Variants in XRCC2 observed in about 807,000 individuals in gnomAD.
XRCC2 encodes the protein X-ray repair cross complementing 2, also known as DNA repair protein XRCC2.
A neutral mutation model predicts 27.3 loss-of-function variants in XRCC2; 24 were observed. The observed-to-expected ratio is 0.88, with a 90% CI of 0.64 to 1.24. The LOEUF is 1.24. Among genes scored for constraint, XRCC2 ranks in the 50% most tolerant of loss-of-function variants. The pLI, the probability that XRCC2 is intolerant of heterozygous loss-of-function variation, is 0.00. For synonymous variants in XRCC2, 106 were observed against 115.4 expected (o/e 0.92, Z 0.52); for missense variants, 321 against 325.8 (o/e 0.99, Z 0.11).
At chr7:152,655,801 AGG>A (rs1417160907) in intron 2 of XRCC2, among the ~76,000 whole-genome samples, 21 of 152,174 alleles carry the variant, frequency 1.4e-4, no homozygotes, top group African/African-American at 4.8e-4. Flanking sequence ...ACTTGAGGTC[AGG>A]AGTTCAAGAC....
At position 152,647,696 on chromosome 7, in the gene XRCC2, C is replaced by G. The variant is rs1347079969; in HGVS notation, c.*946G>C. The G allele has an allele frequency of 2.0e-5, 3 of 152,048 alleles. No homozygotes were observed. Among genetic ancestry groups the G allele is most frequent in the Admixed American group, 2.0e-4 (3 of 15,250 alleles). The allele number at this position is 152,048 out of a possible 1,614,324, so 9.4% of individuals were successfully genotyped here. A position where few individuals can be genotyped will look rare whatever the true frequency, so the allele number is the denominator to read the frequency against. ...TGTTTTTGTCAGGTTCATCGAAGAT[C>G]AAAAAAATTATAGGTGTGTGGTCTC... On this transcript the variant is annotated 3_prime_UTR_variant, in exon 3 of 3. Coordinates refer to ENST00000359321, the MANE Select transcript of XRCC2 (RefSeq NM_005431.2).
intron 1 of XRCC2, among the ~76,000 whole-genome samples, chr7:152,665,572 C>G (rs2098035283): frequency 6.7e-6 from 1 of 148,776 alleles, no homozygotes; most frequent in South Asian, 2.2e-4. Flanking sequence ...ACTCAACCTC[C>G]CAGGCTCAAG....
Position 152,676,086 on chromosome 7 carries a change from G to A in XRCC2, c.-7C>T, listed in dbSNP as rs2098040988. The A allele has an allele frequency of 6.2e-7, 1 of 1,613,744 alleles. No individual in the cohort carries two copies. Among genetic ancestry groups the A allele is most frequent in the Non-Finnish European group, 8.5e-7 (1 of 1,179,788 alleles). ...TATGGAAGGCACTACACATCGCCCCGAAGGCTCGGCGCAGGAGAGACTCAA... is the reference window on the plus strand; with the variant it reads ...TATGGAAGGCACTACACATCGCCCCAAAGGCTCGGCGCAGGAGAGACTCAA... On this transcript the variant is annotated 5_prime_UTR_variant, in exon 1 of 3. Coordinates refer to ENST00000359321, the MANE Select transcript of XRCC2 (RefSeq NM_005431.2).
chr7:152,664,614 T>C (rs998230784), intron 1 of XRCC2, among the ~76,000 whole-genome samples: 3 of 152,204 alleles, frequency 2.0e-5, no homozygotes, highest in African/African-American at 4.8e-5. Flanking sequence ...CGGGCTCTCC[T>C]GGCTCTCAGC....
In XRCC2 at chr7:152,676,030, G is replaced by C; in HGVS notation, c.39+11C>G. On this transcript the variant is annotated intron_variant, in intron 1 of 2. Coordinates refer to ENST00000359321, the MANE Select transcript of XRCC2 (RefSeq NM_005431.2). ...TCCCATCTCCCTCACTCCCAACCCG[G>C]CGGCTCTCACCTCGGTCCCAGACTC... 1.2e-6 allele frequency: 2 copies of C among 1,613,708 alleles called. No individual in the cohort carries two copies. Among genetic ancestry groups the C allele is most frequent in the Non-Finnish European group, 1.7e-6 (2 of 1,179,784 alleles).
rs530664762 is a variant in XRCC2 at position 152,663,346 on chromosome 7, T to TAAAAAAAAAAAAAAAAAAAAAAAAAAA, written c.40-2591_40-2565dup. ...GCTTTACGTAAGAATGTCTTTGAAGTAAAAAAAAAAAAAAAAAAAAAAAAA... is the reference window on the plus strand; with the variant it reads ...GCTTTACGTAAGAATGTCTTTGAAGTAAAAAAAAAAAAAAAAAAAAAAAAAAAAAAAAAAAAAAAAAAAAAAAAAAAA... On this transcript the variant is annotated intron_variant, in intron 1 of 2. Transcript: ENST00000359321. 2.0e-4 allele frequency among the ~76,000 whole-genome samples: 16 copies of TAAAAAAAAAAAAAAAAAAAAAAAAAAA among 80,906 alleles called. 2 individuals are homozygous for TAAAAAAAAAAAAAAAAAAAAAAAAAAA. The highest frequency in any genetic ancestry group is 2.7e-4 in the Non-Finnish European group (11 of 40,470). 53.1% of individuals were successfully genotyped at this position (80,906 alleles called of 152,430 possible). A position where few individuals can be genotyped will look rare whatever the true frequency, so the allele number is the denominator to read the frequency against.
chr7:152,657,980 T>A (rs2098031425), intron 2 of XRCC2, among the ~76,000 whole-genome samples: 1 of 151,734 alleles, frequency 6.6e-6, no homozygotes, highest in South Asian at 2.1e-4. Context: ...TTCTTTTTCT[T>A]TTTGAGACGG....
chr7:152,666,559 A>G (rs901452727), intron 1 of XRCC2, among the ~76,000 whole-genome samples: 1 of 151,748 alleles, frequency 6.6e-6, no homozygotes, highest in Non-Finnish European at 1.5e-5. Flanking sequence ...ACTAAAACCT[A>G]TAAGAACCAC....
At position 152,647,706 on chromosome 7, in the gene XRCC2, A is replaced by G. The variant is rs2098026641; in HGVS notation, c.*936T>C. 1 of 152,162 alleles carries G rather than the reference A, an allele frequency of 6.6e-6. No individual in the cohort carries two copies. The allele number at this position is 152,162 out of a possible 1,614,324, so 9.4% of individuals were successfully genotyped here. ...AGGTTCATCGAAGATCAAAAAAATT[A>G]TAGGTGTGTGGTCTCATTTCTAAAT... On this transcript the variant is annotated 3_prime_UTR_variant, in exon 3 of 3. Coordinates refer to ENST00000359321, the MANE Select transcript of XRCC2 (RefSeq NM_005431.2).
intron 1 of XRCC2, among the ~76,000 whole-genome samples, chr7:152,662,015 A>G (rs2117000691): frequency 6.6e-6 from 1 of 152,170 alleles, no homozygotes; most frequent in African/African-American, 2.4e-5. Flanking sequence ...CCCAGGCTGG[A>G]GTTCAGTGGT....
intron 2 of XRCC2, among the ~76,000 whole-genome samples, chr7:152,655,191 CG>C: frequency 6.6e-6 from 1 of 152,170 alleles, no homozygotes; most frequent in South Asian, 2.1e-4. Flanking sequence ...ACAAATAGAA[CG>C]CTGTAAGGAG....
chr7:152,667,743 A>G (rs1488604492), intron 1 of XRCC2, among the ~76,000 whole-genome samples: 1 of 152,102 alleles, frequency 6.6e-6, no homozygotes, highest in Non-Finnish European at 1.5e-5. Context: ...ATTACAATTA[A>G]CAATTGTAAT....
intron 2 of XRCC2, among the ~76,000 whole-genome samples, chr7:152,656,040 GAAC>G (rs1217465780): frequency 1.3e-5 from 2 of 152,034 alleles, no homozygotes; most frequent in Non-Finnish European, 2.9e-5. Flanking sequence ...ACAGGGAGGG[GAAC>G]AACAGACACC....
intron 1 of XRCC2, among the ~76,000 whole-genome samples, chr7:152,674,265 C>T (rs1187943108): frequency 2.6e-5 from 4 of 152,122 alleles, no homozygotes; most frequent in East Asian, 1.9e-4. Context: ...GGATACAAGG[C>T]TTGTTCTGAT....
chr7:152,648,552 C>T lies in XRCC2; in HGVS notation c.*90G>A. 1 of 1,414,318 alleles carries T rather than the reference C, an allele frequency of 7.1e-7. No homozygotes were observed. Among genetic ancestry groups the T allele is most frequent in the East Asian group, 2.4e-5 (1 of 42,452 alleles). 87.6% of individuals were successfully genotyped at this position (1,414,318 alleles called of 1,614,324 possible). A position where few individuals can be genotyped will look rare whatever the true frequency, so the allele number is the denominator to read the frequency against. ...AGTGAGCCATGATTGTGCCACTGCA[C>T]TCCAGCCTGGGAGACAGAGCAAGAC... is the stretch of plus-strand genomic sequence containing the variant. On this transcript the variant is annotated 3_prime_UTR_variant, in exon 3 of 3. Transcript: ENST00000359321.
At position 152,648,423 on chromosome 7, in the gene XRCC2, A is replaced by G. The variant is rs969609380; in HGVS notation, c.*219T>C. 7 of 364,984 alleles carry G rather than the reference A, an allele frequency of 1.9e-5. No homozygotes were observed. The highest frequency in any genetic ancestry group is 1.3e-4 in the African/African-American group (6 of 47,596). 22.6% of individuals were successfully genotyped at this position (364,984 alleles called of 1,614,324 possible). A position where few individuals can be genotyped will look rare whatever the true frequency, so the allele number is the denominator to read the frequency against. ...AGACTGTTTCAAAAAGAAAAAAAAA[A>G]AAAAAGAAAACTTTTGGCCACGAGC... On this transcript the variant is annotated 3_prime_UTR_variant, in exon 3 of 3. Coordinates refer to ENST00000359321, the MANE Select transcript of XRCC2 (RefSeq NM_005431.2).
At chr7:152,670,091 G>A (rs576921564) in intron 1 of XRCC2, among the ~76,000 whole-genome samples, 2 of 152,194 alleles carry the variant, frequency 1.3e-5, no homozygotes, top group South Asian at 4.1e-4. Context: ...GTTCTTTCAG[G>A]TAAATATAAA....
chr7:152,654,357 A>G (rs1214926260), intron 2 of XRCC2, among the ~76,000 whole-genome samples: 2 of 152,184 alleles, frequency 1.3e-5, no homozygotes. Flanking sequence ...AATTTTTGAG[A>G]TATATCCACA....
intron 1 of XRCC2, among the ~76,000 whole-genome samples, chr7:152,674,711 A>ATTTTTAAATATATATTAT (rs1472762302): frequency 3.6e-4 from 1 of 2,748 alleles, no homozygotes; most frequent in Non-Finnish European, 8.4e-4. Context: ...ATATTTATAT[A>ATTTTTAAATATATATTAT]ATATATTTTT....
Sources: gnomAD v4.1 joint callset for allele counts (sites outside exome capture counted in the v4.1 genomes callset) on GRCh38, gnomAD v4.1.1 for gene constraint, MANE v1.5 for transcripts, NCBI Gene and HGNC (gene_info 2026-07-23, HGNC 2026-07-21) for gene names.